Variants in WASF1 observed in about 807,000 individuals in gnomAD.
WASF1 encodes the protein actin-binding protein WASF1.
WASF1 carries 7 observed loss-of-function variants against 50.5 expected under a neutral mutation model. The observed-to-expected ratio is 0.14, with a 90% CI of 0.08 to 0.26. WASF1 has a LOEUF of 0.26. WASF1 is among the 10% of genes least tolerant of loss of function. The probability of loss-of-function intolerance (pLI) is 1.00; values close to 1 mark genes in which losing one functional copy is unlikely to be tolerated. For synonymous variants in WASF1, 205 were observed against 244.0 expected, an observed-to-expected ratio of 0.84 and a Z score of 1.49; for missense variants, 470 against 694.7, an observed-to-expected ratio of 0.68 and a Z score of 3.64.
At chr6:110,145,737 G>A (rs1775527495) in intron 3 of WASF1, among the ~76,000 whole-genome samples, 1 of 151,846 alleles carries the variant, frequency 6.6e-6, no homozygotes, top group Non-Finnish European at 1.5e-5. Context: ...TTTGTCTTTG[G>A]TTCTGTTTAT....
intron 9 of WASF1, among the ~76,000 whole-genome samples, 195 bp downstream of exon 9, chr6:110,103,183 T>C (rs1314483946): frequency 2.0e-5 from 3 of 152,218 alleles, no homozygotes; most frequent in Non-Finnish European, 4.4e-5. Flanking sequence ...TTTTTATAAA[T>C]AGAGTTTATT....
At position 110,101,891 on chromosome 6, in the gene WASF1, A is replaced by T; in HGVS notation, c.1219T>A (p.Cys407Ser). ...AGTGGATGAACTGGTACAGTCTCAC[A>T]TACTGGGGCAGCTCTAGCTACTGGT... ...SPPVARAAPVCETVPVHPLPQ... is the reference protein window; with the variant it reads ...SPPVARAAPVSETVPVHPLPQ... The change falls in exon 10 of 11, where the codon TGT becomes AGT. Residue 407 changes from cysteine to serine, a missense_variant. Physicochemically the swap from Cys to Ser is moderately radical, Grantham distance 112. This residue lies in a region of WASF1 where 294 missense variants were observed against 343.5 expected (regional missense o/e 0.86). Transcript: ENST00000392589. 1 of 1,613,580 alleles carries T rather than the reference A, an allele frequency of 6.2e-7. No homozygotes were observed. Among genetic ancestry groups the T allele is most frequent in the Non-Finnish European group, 8.5e-7 (1 of 1,179,732 alleles).
intron 2 of WASF1, among the ~76,000 whole-genome samples, chr6:110,176,415 AAC>A (rs1252183352): frequency 6.6e-6 from 1 of 152,078 alleles, no homozygotes; most frequent in African/African-American, 2.4e-5. Context: ...AAAGACTACT[AAC>A]ATATACATTA....
chr6:110,155,536 C>CTTTTTTTTTTTTT (rs66645132), intron 3 of WASF1, among the ~76,000 whole-genome samples: 9 of 45,974 alleles, frequency 2.0e-4, no homozygotes, highest in Non-Finnish European at 2.7e-4. Context: ...AAAGTGCCTT[C>CTTTTTTTTTTTTT]TTTTTTTTTT....
At chr6:110,119,356 A>G (rs1773974798) in intron 4 of WASF1, among the ~76,000 whole-genome samples, 1 of 152,216 alleles carries the variant, frequency 6.6e-6, no homozygotes, top group Non-Finnish European at 1.5e-5. Flanking sequence ...GATAAAGGGG[A>G]TATCACTGCC....
intron 3 of WASF1, among the ~76,000 whole-genome samples, chr6:110,136,859 A>C (rs535979281): frequency 6.6e-6 from 1 of 152,146 alleles, no homozygotes; most frequent in Non-Finnish European, 1.5e-5. Flanking sequence ...TTGTTCTTCA[A>C]ATTTTAGCTC....
chr6:110,123,372 C>G (rs922077034), intron 4 of WASF1, among the ~76,000 whole-genome samples: 2 of 151,972 alleles, frequency 1.3e-5, no homozygotes, highest in Non-Finnish European at 2.9e-5. Flanking sequence ...CACTGTATTC[C>G]TCTAGTTGTG....
chr6:110,127,773 C>T lies in WASF1; in HGVS notation c.-28-144G>A, dbSNP rs1774480891. ...CTGGGTCCACTTACTGGTGGATTTT[C>T]TTCCCTCTCTGCCTCCCTGAGACAG... is the stretch of plus-strand genomic sequence containing the variant. On this transcript the variant is annotated intron_variant, in intron 3 of 10. Coordinates refer to ENST00000392589, the MANE Select transcript of WASF1 (RefSeq NM_003931.3). 6 of 676,738 alleles carry T rather than the reference C, an allele frequency of 8.9e-6. No individual in the cohort carries two copies. In the South Asian group the frequency reaches 2.7e-4, roughly 31 times the overall value. 41.9% of individuals were successfully genotyped at this position (676,738 alleles called of 1,614,324 possible). A position where few individuals can be genotyped will look rare whatever the true frequency, so the allele number is the denominator to read the frequency against.
In WASF1 at chr6:110,127,646, A is replaced by G; in HGVS notation, c.-28-17T>C. The stretch of plus-strand genomic sequence containing the variant: ...CCAGTTCACCTGTAGGAAATCAAAA[A>G]TAAATTAACAATATTAAATTTCAGC... On this transcript the variant is annotated splice_polypyrimidine_tract_variant and intron_variant, in intron 3 of 10. Coordinates refer to ENST00000392589, the MANE Select transcript of WASF1 (RefSeq NM_003931.3). 6.8e-7 allele frequency: 1 copy of G among 1,468,812 alleles called. No individual in the cohort carries two copies. Among genetic ancestry groups the G allele is most frequent in the Non-Finnish European group, 9.0e-7 (1 of 1,109,810 alleles). 91.0% of individuals were successfully genotyped at this position (1,468,812 alleles called of 1,614,324 possible).
chr6:110,143,525 T>C (rs986249535), intron 3 of WASF1, among the ~76,000 whole-genome samples: 4 of 152,080 alleles, frequency 2.6e-5, no homozygotes, highest in African/African-American at 7.2e-5. Context: ...AAAAGTACAC[T>C]ATCTAAATTC....
At chr6:110,137,977 G>C (rs1775044077) in intron 3 of WASF1, among the ~76,000 whole-genome samples, 1 of 152,272 alleles carries the variant, frequency 6.6e-6, no homozygotes, top group Admixed American at 6.5e-5. Context: ...ACCTGTGCCA[G>C]AGTTTTGCTC....
intron 3 of WASF1, among the ~76,000 whole-genome samples, chr6:110,153,525 GGC>G (rs1775917458): frequency 6.6e-6 from 1 of 152,090 alleles, no homozygotes; most frequent in South Asian, 2.1e-4. Flanking sequence ...ACCCAAACTT[GGC>G]ATTGTCAACC....
At chr6:110,170,080 T>C (rs1776640367) in intron 2 of WASF1, among the ~76,000 whole-genome samples, 1 of 152,078 alleles carries the variant, frequency 6.6e-6, no homozygotes, top group South Asian at 2.1e-4. Flanking sequence ...TCGGTAATCA[T>C]ACAAAAAGAG....
At position 110,101,574 on chromosome 6, in the gene WASF1, G is replaced by A. The variant is rs747827284; in HGVS notation, c.1522+14C>T. The stretch of plus-strand genomic sequence containing the variant: ...CTACTATAGCAATGCTTTTCATGGA[G>A]CTGAGAAAATTACCTTTTCGTATTG... On this transcript the variant is annotated intron_variant, in intron 10 of 10. Transcript: ENST00000392589. 3 of 1,595,594 alleles carry A rather than the reference G, an allele frequency of 1.9e-6. No individual in the cohort carries two copies. Among genetic ancestry groups the A allele is most frequent in the Non-Finnish European group, 1.7e-6 (2 of 1,169,180 alleles).
chr6:110,102,733 T>C (rs531525318), intron 9 of WASF1, among the ~76,000 whole-genome samples: 14 of 148,050 alleles, frequency 9.5e-5, no homozygotes, highest in African/African-American at 3.7e-4. Context: ...GAGTCAGTGA[T>C]AGAAAATTGG....
intron 10 of WASF1, 114 bp from the exon 11 acceptor site, chr6:110,100,793 A>G: frequency 2.6e-6 from 3 of 1,161,482 alleles, no homozygotes; most frequent in Non-Finnish European, 3.4e-6. Flanking sequence ...GGAAAATAAA[A>G]AGATCAGAAA....
chr6:110,151,809 T>G (rs775059339), intron 3 of WASF1, among the ~76,000 whole-genome samples: 1 of 152,166 alleles, frequency 6.6e-6, no homozygotes, highest in South Asian at 2.1e-4. Flanking sequence ...AGTATATTAT[T>G]ATCTTAGTTC....
intron 3 of WASF1, among the ~76,000 whole-genome samples, chr6:110,148,294 G>T (rs1298133400): frequency 6.6e-6 from 1 of 151,918 alleles, no homozygotes; most frequent in Non-Finnish European, 1.5e-5. Context: ...AGTACTGTGT[G>T]CCAAGTGCTA....
intron 2 of WASF1, among the ~76,000 whole-genome samples, chr6:110,173,271 T>A (rs529446561): frequency 3.9e-5 from 6 of 152,202 alleles, no homozygotes; most frequent in African/African-American, 1.4e-4. Flanking sequence ...GAATAAAGAA[T>A]GGCTACATGC....
Sources: gnomAD v4.1 joint callset for allele counts (sites outside exome capture counted in the v4.1 genomes callset) on GRCh38, gnomAD v4.1.1 for gene constraint, gnomAD v4.1.1 regional missense constraint, MANE v1.5 for transcripts, NCBI Gene and HGNC (gene_info 2026-07-23, HGNC 2026-07-21) for gene names.